Variants in XYLB observed in about 807,000 individuals in gnomAD.
XYLB encodes the protein xylulokinase.
XYLB carries 62 observed loss-of-function variants against 78.7 expected under a neutral mutation model. That is an observed-to-expected ratio of 0.79 (90% CI 0.64 to 0.97). XYLB has a LOEUF of 0.97. Ranked by LOEUF, XYLB falls within the 50% of genes least tolerant of loss-of-function variation. XYLB has a pLI of 0.00. For synonymous variants in XYLB, 245 were observed against 247.4 expected, an observed-to-expected ratio of 0.99 and a Z score of 0.09; for missense variants, 687 against 676.8, an observed-to-expected ratio of 1.02 and a Z score of -0.17.
At chr3:38,422,534 G>C (rs1218177784), downstream of XYLB, among the ~76,000 whole-genome samples, 1 of 152,180 alleles carries the variant, frequency 6.6e-6, no homozygotes, top group African/African-American at 2.4e-5. Context: ...CTGGCCGTCT[G>C]TGTGGCCAAT....
intron 18 of XYLB, among the ~76,000 whole-genome samples, chr3:38,407,597 TAA>T (rs1708381037): frequency 6.6e-6 from 1 of 152,056 alleles, no homozygotes; most frequent in South Asian, 2.1e-4. Context: ...GCAAATTGGA[TAA>T]AGAGTCAAGA....
At chr3:38,368,353 A>T in intron 8 of XYLB, 96 bp downstream of exon 8, 1 of 1,068,780 alleles carries the variant, frequency 9.4e-7, no homozygotes, top group Admixed American at 1.8e-5. Flanking sequence ...AGTGGGTGCC[A>T]ATCTTGTAGC....
intron 14 of XYLB, 103 bp downstream of exon 14, chr3:38,377,094 C>G: frequency 9.8e-7 from 1 of 1,021,414 alleles, no homozygotes; most frequent in East Asian, 2.4e-5. Flanking sequence ...TTCATTCATT[C>G]ACTCATCCAT....
chr3:38,347,659 G>C (rs1705142253), intron 1 of XYLB, among the ~76,000 whole-genome samples: 1 of 151,676 alleles, frequency 6.6e-6, no homozygotes, highest in Admixed American at 6.6e-5. Flanking sequence ...CTGGGCGACA[G>C]AACGGGACCC....
the XYLB span, among the ~76,000 whole-genome samples, chr3:38,444,730 T>C: frequency 2.0e-5 from 3 of 152,298 alleles, no homozygotes; most frequent in Admixed American, 2.0e-4. Context: ...AGGATGAGCC[T>C]GTTGATGCCT....
intron 2 of XYLB, chr3:38,355,985 T>A (rs1446968877): frequency 1.3e-5 from 7 of 559,706 alleles, no homozygotes; most frequent in Admixed American, 9.0e-5. Flanking sequence ...GTGTGGTCGC[T>A]CACGCCTGTA....
intron 9 of XYLB, among the ~76,000 whole-genome samples, chr3:38,372,247 G>A (rs1209778104): frequency 1.3e-5 from 2 of 151,958 alleles, no homozygotes; most frequent in Non-Finnish European, 2.9e-5. Flanking sequence ...AGTCACTGGG[G>A]TGATAGAGTG....
chr3:38,436,870 G>A, the XYLB span, among the ~76,000 whole-genome samples: 2 of 151,830 alleles, frequency 1.3e-5, no homozygotes, highest in African/African-American at 4.8e-5. Context: ...CAGGTGTGAT[G>A]GTGGGCGCCT....
chr3:38,420,846 A>G (rs564931022), downstream of XYLB, among the ~76,000 whole-genome samples: 4 of 152,336 alleles, frequency 2.6e-5, no homozygotes, highest in African/African-American at 9.6e-5. Context: ...GGACATGCTC[A>G]TGATGGCTGT....
chr3:38,398,113 C>T (rs1000380119), intron 17 of XYLB, among the ~76,000 whole-genome samples: 3 of 151,788 alleles, frequency 2.0e-5, no homozygotes, highest in East Asian at 2.0e-4. Context: ...CCACCGCACC[C>T]GGCCTAAGCT....
the XYLB span, among the ~76,000 whole-genome samples, chr3:38,442,054 C>T: frequency 1.2e-3 from 183 of 152,236 alleles, no homozygotes; most frequent in African/African-American, 2.9e-3. Context: ...CTGGCCATCT[C>T]GCTCTATCTG....
intron 18 of XYLB, among the ~76,000 whole-genome samples, chr3:38,404,724 G>T (rs1708243505): frequency 6.6e-6 from 1 of 152,314 alleles, no homozygotes; most frequent in East Asian, 1.9e-4. Flanking sequence ...TACTTGAGAG[G>T]TTCAGGCACG....
chr3:38,348,503 A>G (rs779390422), intron 1 of XYLB, 47 bp from the exon 2 acceptor site: 10 of 1,593,720 alleles, frequency 6.3e-6, no homozygotes, highest in Admixed American at 1.7e-5. Flanking sequence ...GGACCAGTGT[A>G]GAAGCTGAGG....
the XYLB span, among the ~76,000 whole-genome samples, chr3:38,437,458 G>A: frequency 1.3e-5 from 2 of 152,148 alleles, no homozygotes; most frequent in Non-Finnish European, 2.9e-5. Flanking sequence ...TTGCAAAAGA[G>A]AAACTCAAAT....
At chr3:38,386,461 A>AT (rs1248152965) in intron 15 of XYLB, among the ~76,000 whole-genome samples, 1 of 151,946 alleles carries the variant, frequency 6.6e-6, no homozygotes, top group African/African-American at 2.4e-5. Context: ...TTTATTTTTT[A>AT]TTTTTTTAAT....
At chr3:38,383,266 T>C (rs1021645830) in intron 15 of XYLB, among the ~76,000 whole-genome samples, 39 of 152,226 alleles carry the variant, frequency 2.6e-4, no homozygotes, top group African/African-American at 8.0e-4. Flanking sequence ...AGCTGGGATC[T>C]GAACCAAGCC....
the XYLB span, among the ~76,000 whole-genome samples, chr3:38,429,436 A>G: frequency 6.6e-6 from 1 of 152,220 alleles, no homozygotes; most frequent in African/African-American, 2.4e-5. Context: ...TAGGGCTGCC[A>G]TAACAAAATA....
intron 2 of XYLB, among the ~76,000 whole-genome samples, chr3:38,352,334 A>G (rs1207760085): frequency 6.6e-6 from 1 of 152,200 alleles, no homozygotes; most frequent in African/African-American, 2.4e-5. Context: ...CATCTACACA[A>G]TGGAATACTA....
chr3:38,405,371 T>TCA (rs1708270524), intron 18 of XYLB, among the ~76,000 whole-genome samples: 1 of 94,662 alleles, frequency 1.1e-5, no homozygotes, highest in African/African-American at 4.2e-5. Context: ...CTCATCTCTT[T>TCA]AAAAAAAAAA....
Sources: allele counts gnomAD v4.1 joint callset (sites outside exome capture counted in the v4.1 genomes callset), GRCh38; gene constraint gnomAD v4.1.1; transcripts MANE v1.5; gene names NCBI Gene and HGNC (gene_info 2026-07-23, HGNC 2026-07-21).